The following NPAS3 variants were observed in gnomAD, a reference collection of about 807,000 sequenced individuals.
The protein encoded by NPAS3 is neuronal PAS domain-containing protein 3.
Under a neutral mutation model 73.1 loss-of-function variants are expected in NPAS3, and 14 were observed. That is an observed-to-expected ratio of 0.19 (90% CI 0.13 to 0.30). The LOEUF (loss-of-function observed/expected upper bound fraction) is 0.30. Ranked by LOEUF, NPAS3 falls within the 10% of genes least tolerant of loss-of-function variation. The probability of loss-of-function intolerance (pLI) is 1.00; values close to 1 mark genes in which losing one functional copy is unlikely to be tolerated. For synonymous variants in NPAS3, 620 were observed against 541.5 expected (o/e 1.14, Z -2.01); for missense variants, 1,096 against 1,250.0 (o/e 0.88, Z 1.86).
chr14:33,450,419 G>A (rs1197086651), intron 4 of NPAS3, among the ~76,000 whole-genome samples: 2 of 152,048 alleles, frequency 1.3e-5, no homozygotes, highest in Admixed American at 1.3e-4. Context: ...CATAATCGTA[G>A]CACCTACAAA....
intron 6 of NPAS3, 29 bp from the exon 7 acceptor site, chr14:33,735,185 G>A (rs1214743947): frequency 9.4e-6 from 14 of 1,496,786 alleles, no homozygotes; most frequent in Admixed American, 3.3e-5. Flanking sequence ...GATCTAAATC[G>A]TGTGTGTCTG....
intron 3 of NPAS3, among the ~76,000 whole-genome samples, chr14:33,355,415 C>T (rs1450262062): frequency 6.6e-6 from 1 of 152,118 alleles, no homozygotes; most frequent in African/African-American, 2.4e-5. Context: ...ATTCTCCTGC[C>T]TCAGCCTCCC....
At chr14:33,368,666 G>A (rs1177440675) in intron 4 of NPAS3, among the ~76,000 whole-genome samples, 1 of 152,110 alleles carries the variant, frequency 6.6e-6, no homozygotes, top group East Asian at 1.9e-4. Context: ...AATACACCTT[G>A]GGAGTTGCTA....
chr14:33,552,609 C>A (rs946580101), intron 4 of NPAS3, among the ~76,000 whole-genome samples: 9 of 151,896 alleles, frequency 5.9e-5, no homozygotes, highest in African/African-American at 2.2e-4. Flanking sequence ...TTCCTACTTT[C>A]CAGTAGTCTA....
intron 2 of NPAS3, among the ~76,000 whole-genome samples, chr14:33,139,783 A>G (rs1268120193): frequency 6.6e-6 from 1 of 152,204 alleles, no homozygotes; most frequent in East Asian, 1.9e-4. Flanking sequence ...ACATGGGGCT[A>G]GTGGCTACTG....
At chr14:33,634,176 C>T (rs1595327991) in intron 5 of NPAS3, among the ~76,000 whole-genome samples, 1 of 152,106 alleles carries the variant, frequency 6.6e-6, no homozygotes, top group East Asian at 1.9e-4. Context: ...TTACAGGGTG[C>T]CTTGCACTTT....
chr14:33,679,558 T>G (rs916722189), intron 6 of NPAS3, among the ~76,000 whole-genome samples: 2 of 152,250 alleles, frequency 1.3e-5, no homozygotes, highest in Non-Finnish European at 2.9e-5. Flanking sequence ...ACAGATTCTT[T>G]TTTAAACGGT....
At position 33,524,183 on chromosome 14, in the gene NPAS3, C is replaced by T. The variant is rs146892755; in HGVS notation, c.469-35938C>T. 2.6e-5 allele frequency among the ~76,000 whole-genome samples: 4 copies of T among 152,296 alleles called. No homozygotes were observed. The East Asian group carries it at 7.7e-4, about 29-fold the overall frequency. ...AACACTGCTGAAAGTACTGCCCTCT[C>T]TAAAAGTCCTCCTTACCCTCTACAA... On this transcript the variant is annotated intron_variant, in intron 4 of 11. Coordinates refer to ENST00000356141, the Ensembl canonical transcript of NPAS3.
intron 5 of NPAS3, among the ~76,000 whole-genome samples, chr14:33,671,068 A>T (rs2059597430): frequency 6.6e-6 from 1 of 152,230 alleles, no homozygotes; most frequent in South Asian, 2.1e-4. Flanking sequence ...TCTTGAAAAT[A>T]GATGTATGGC....
intron 2 of NPAS3, among the ~76,000 whole-genome samples, chr14:33,188,052 A>G (rs979708031): frequency 2.0e-5 from 3 of 152,206 alleles, no homozygotes; most frequent in Non-Finnish European, 4.4e-5. Context: ...TAACCAAGTG[A>G]TGGTGTGAGG....
intron 4 of NPAS3, among the ~76,000 whole-genome samples, chr14:33,423,995 G>T (rs1232346260): frequency 6.6e-6 from 1 of 151,908 alleles, no homozygotes; most frequent in African/African-American, 2.4e-5. Context: ...CTCAACTCTG[G>T]TGAACAAAAA....
chr14:33,259,719 A>G (rs1379969652), intron 3 of NPAS3, among the ~76,000 whole-genome samples: 1 of 152,236 alleles, frequency 6.6e-6, no homozygotes, highest in East Asian at 1.9e-4. Context: ...TAAGGGCATG[A>G]ACCCTTGTCT....
chr14:33,518,746 C>G (rs932671833), intron 4 of NPAS3, among the ~76,000 whole-genome samples: 1 of 151,422 alleles, frequency 6.6e-6, no homozygotes, highest in Non-Finnish European at 1.5e-5. Context: ...CCAGCCTCAC[C>G]CTAACAGAGT....
chr14:33,661,276 T>C (rs1005011463), intron 5 of NPAS3, among the ~76,000 whole-genome samples: 5 of 152,146 alleles, frequency 3.3e-5, no homozygotes, highest in East Asian at 3.9e-4. Flanking sequence ...GGTTTTATGG[T>C]TGGAGAATCA....
At chr14:33,249,344 C>T (rs909767209) in intron 3 of NPAS3, among the ~76,000 whole-genome samples, 1 of 44,564 alleles carries the variant, frequency 2.2e-5, no homozygotes, top group African/African-American at 1.0e-4. Flanking sequence ...TTCCCGTCCC[C>T]CCCACCTTTT....
intron 5 of NPAS3, among the ~76,000 whole-genome samples, chr14:33,594,991 G>T (rs1474697348): frequency 6.6e-6 from 1 of 152,146 alleles, no homozygotes; most frequent in East Asian, 1.9e-4. Flanking sequence ...AGTTCTAAAG[G>T]AGAAAACCAT....
At chr14:33,244,591 A>AATAT (rs1421549078) in intron 3 of NPAS3, among the ~76,000 whole-genome samples, 1 of 152,152 alleles carries the variant, frequency 6.6e-6, no homozygotes, top group African/African-American at 2.4e-5. Flanking sequence ...CAAACTCTAA[A>AATAT]ATATATTATT....
chr14:33,269,142 TAA>T (rs747663582), intron 3 of NPAS3, among the ~76,000 whole-genome samples: 161 of 152,312 alleles, frequency 1.1e-3, no homozygotes, highest in Non-Finnish European at 1.9e-3. Context: ...TATTGTATCA[TAA>T]AGTGTGTTTC....
chr14:33,371,163 G>C (rs2046070805), intron 4 of NPAS3, among the ~76,000 whole-genome samples: 1 of 152,116 alleles, frequency 6.6e-6, no homozygotes. Context: ...ATTTGATTTT[G>C]GTGGAGGAAG....
Sources: allele counts gnomAD v4.1 joint callset (sites outside exome capture counted in the v4.1 genomes callset), GRCh38; gene constraint gnomAD v4.1.1; transcripts MANE v1.5; gene names NCBI Gene and HGNC (gene_info 2026-07-23, HGNC 2026-07-21).